The following DNAJA3 variants were observed in gnomAD, a reference collection of about 807,000 sequenced individuals.
DNAJA3 encodes the protein DnaJ heat shock protein family (Hsp40) member A3.
DNAJA3 carries 29 observed loss-of-function variants against 54.9 expected under a neutral mutation model. The ratio of observed to expected loss-of-function variants is 0.53; its 90% CI spans 0.39 to 0.72. DNAJA3 has a LOEUF of 0.72. Ranked by LOEUF, DNAJA3 falls within the 30% of genes least tolerant of loss-of-function variation. The pLI, the probability that DNAJA3 is intolerant of heterozygous loss-of-function variation, is 0.00. For missense variants in DNAJA3, 708 were observed against 639.4 expected, an observed-to-expected ratio of 1.11 and a Z score of -1.16; for synonymous variants, 302 against 251.4, an observed-to-expected ratio of 1.20 and a Z score of -1.90.
intron 3 of DNAJA3, 63 bp downstream of exon 3, chr16:4,437,548 A>AT: frequency 2.8e-6 from 4 of 1,419,030 alleles, no homozygotes; most frequent in Non-Finnish European, 4.0e-6. Flanking sequence ...CAAAGGTTGC[A>AT]TTGCTACCTG....
chr16:4,441,064 G>A (rs1346659774), intron 3 of DNAJA3: 4 of 445,960 alleles, frequency 9.0e-6, no homozygotes, highest in South Asian at 3.7e-5. Context: ...GGTGAAGTGT[G>A]AATCTGTGAA....
intron 2 of DNAJA3, among the ~76,000 whole-genome samples, chr16:4,435,063 A>AT (rs1567325267): frequency 1.3e-5 from 2 of 151,104 alleles, no homozygotes; most frequent in African/African-American, 2.4e-5. Context: ...CACCCGGCTA[A>AT]TTTTTTTTGT....
At chr16:4,430,071 G>T (rs1434978437) in intron 1 of DNAJA3, among the ~76,000 whole-genome samples, 5 of 151,874 alleles carry the variant, frequency 3.3e-5, no homozygotes, top group African/African-American at 1.2e-4. Flanking sequence ...CTACTCAGGA[G>T]GTTGAGGTGG....
intron 1 of DNAJA3, chr16:4,431,522 C>G (rs2056700567): frequency 6.6e-6 from 1 of 152,110 alleles, no homozygotes; most frequent in Non-Finnish European, 1.5e-5. Flanking sequence ...CAACCAACCT[C>G]TGGTTGTGTT....
Position 4,425,955 on chromosome 16 carries a change from G to C in DNAJA3, c.74G>C (p.Arg25Thr), listed in dbSNP as rs2056615711. 1.3e-6 allele frequency: 2 copies of C among 1,572,496 alleles called. No individual in the cohort carries two copies. Among genetic ancestry groups the C allele is most frequent in the Non-Finnish European group, 1.7e-6 (2 of 1,160,884 alleles). ...GTPRLPAISG[R>T]GARPPREGVV... ...CCGCGGCTGCCGGCTATATCGGGTA[G>C]AGGGGCCCGGCCGCCCAGGGAGGGC... The change falls in exon 1 of 12, where the codon AGA becomes ACA. Residue 25 changes from arginine to threonine, a missense_variant. By Grantham distance (71) the Arg-to-Thr change is moderately conservative. Transcript: ENST00000262375.
At position 4,455,590 on chromosome 16, in the gene DNAJA3, C is replaced by T; in HGVS notation, c.*58C>T. ...CTAGGCCGGGAAGCAGCAGCCCCTC[C>T]AAGGGCCAGGGCACCTGGGAGACGG... On this transcript the variant is annotated 3_prime_UTR_variant, in exon 12 of 12. Transcript: ENST00000262375. 6.4e-7 allele frequency: 1 copy of T among 1,551,784 alleles called. No individual in the cohort carries two copies.
intron 10 of DNAJA3, among the ~76,000 whole-genome samples, chr16:4,453,775 C>A (rs982897158): frequency 6.6e-6 from 1 of 152,162 alleles, no homozygotes; most frequent in Non-Finnish European, 1.5e-5. Context: ...TATGTAGCCT[C>A]CCTCACCCCT....
At chr16:4,454,632 G>A (rs763253065) in intron 10 of DNAJA3, among the ~76,000 whole-genome samples, 179 bp from the exon 11 acceptor site, 5 of 152,344 alleles carry the variant, frequency 3.3e-5, no homozygotes, top group African/African-American at 4.8e-5. Context: ...CACCTCAGTC[G>A]TCTGCAAGGT....
chr16:4,438,635 CTTTTTTTTT>C (rs56211652), intron 3 of DNAJA3, among the ~76,000 whole-genome samples: 9 of 110,648 alleles, frequency 8.1e-5, no homozygotes, highest in Non-Finnish European at 1.6e-4. Context: ...ACAATCTTTT[CTTTTTTTTT>C]TTTTTTTTTT....
Position 4,443,232 on chromosome 16 carries a change from T to C in DNAJA3, c.931+68T>C, listed in dbSNP as rs1239075712. The C allele has an allele frequency of 5.0e-6, 8 of 1,585,916 alleles. No homozygotes were observed. The Admixed American group carries it at 1.1e-4, about 21-fold the overall frequency. On this transcript the variant is annotated intron_variant, in intron 6 of 11. Transcript: ENST00000262375. ...AGACAGGGTTGAGGCTACCACACCG[T>C]GTGGAGAGGGTGGACAGGGCCGAGG...
Position 4,444,696 on chromosome 16 carries a change from G to T in DNAJA3, c.964G>T (p.Val322Leu), listed in dbSNP as rs766236286. ...VEDGQTVRMP[V>L]GKREIFITFR... ...GGATGGCCAGACCGTGAGGATGCCT[G>T]TGGGAAAAAGGGAAATTTTCATTAC... The change falls in exon 7 of 12, where the codon GTG becomes TTG. Residue 322 changes from valine to leucine, a missense_variant. Physicochemically the swap from Val to Leu is conservative, Grantham distance 32. Coordinates refer to ENST00000262375, the MANE Select transcript of DNAJA3 (RefSeq NM_005147.6). The T allele has an allele frequency of 6.2e-7, 1 of 1,614,150 alleles. No homozygotes were observed. Among genetic ancestry groups the T allele is most frequent in the South Asian group, 1.1e-5 (1 of 91,086 alleles).
Position 4,434,518 on chromosome 16 carries a change from G to A in DNAJA3, c.345+1G>A. Reference sequence around the variant, plus strand: ...AGAGATCAAGAAAGCCTATTATCAGGTCTGTATGGAAGTCAGGTTTTGGTG... The same window carrying A: ...AGAGATCAAGAAAGCCTATTATCAGATCTGTATGGAAGTCAGGTTTTGGTG... On this transcript the variant is annotated splice_donor_variant, in intron 2 of 11. Coordinates refer to ENST00000262375, the MANE Select transcript of DNAJA3 (RefSeq NM_005147.6). LOFTEE classifies it high-confidence loss of function. 3 of 1,609,964 alleles carry A rather than the reference G, an allele frequency of 1.9e-6. No homozygotes were observed. Among genetic ancestry groups the A allele is most frequent in the Non-Finnish European group, 2.5e-6 (3 of 1,179,084 alleles).
intron 9 of DNAJA3, 115 bp downstream of exon 9, chr16:4,448,963 A>G: frequency 1.4e-6 from 1 of 715,176 alleles, no homozygotes. Flanking sequence ...TTCCTGCCCG[A>G]GTTATCTGTC....
chr16:4,442,149 G>A (rs2056843379), intron 4 of DNAJA3, 119 bp from the exon 5 acceptor site: 4 of 1,073,512 alleles, frequency 3.7e-6, no homozygotes, highest in Non-Finnish European at 5.3e-6. Context: ...GTGCAAGTAA[G>A]TACAGTGGTG....
In DNAJA3 at chr16:4,448,795, T is replaced by C; in HGVS notation, c.1188T>C (p.Ile396=). The C allele has an allele frequency of 6.2e-7, 1 of 1,614,132 alleles. No individual in the cohort carries two copies. Among genetic ancestry groups the C allele is most frequent in the Non-Finnish European group, 8.5e-7 (1 of 1,180,010 alleles). The change falls in exon 9 of 12, where the codon ATT becomes ATC. Residue 396 remains isoleucine (I), a synonymous_variant. Coordinates refer to ENST00000262375, the MANE Select transcript of DNAJA3 (RefSeq NM_005147.6). ...TGGGTGGGAAAGGCATCCCCCGGATTAACAGCTACGGCTACGGAGACCACT... is the reference window on the plus strand; with the variant it reads ...TGGGTGGGAAAGGCATCCCCCGGATCAACAGCTACGGCTACGGAGACCACT... ...IRMGGKGIPR[I]NSYGYGDHYI...
intron 10 of DNAJA3, among the ~76,000 whole-genome samples, chr16:4,452,129 A>T (rs150567625): frequency 3.9e-5 from 6 of 151,998 alleles, no homozygotes; most frequent in Non-Finnish European, 8.8e-5. Context: ...CAGGTTCCAA[A>T]TGTCACTTAT....
chr16:4,434,897 T>C (rs2056754769), intron 2 of DNAJA3, among the ~76,000 whole-genome samples: 2 of 20,744 alleles, frequency 9.6e-5, no homozygotes, highest in Non-Finnish European at 2.1e-4. Flanking sequence ...TTTTTTTTTT[T>C]TTTTTTTTTT....
At chr16:4,453,201 T>C (rs1028692939) in intron 10 of DNAJA3, among the ~76,000 whole-genome samples, 79 of 152,206 alleles carry the variant, frequency 5.2e-4, no homozygotes, top group Non-Finnish European at 4.7e-4. Flanking sequence ...ATTACAGACA[T>C]GAGCCACTGT....
intron 1 of DNAJA3, among the ~76,000 whole-genome samples, chr16:4,428,553 A>AT (rs1455161493): frequency 6.6e-6 from 1 of 152,188 alleles, no homozygotes; most frequent in African/African-American, 2.4e-5. Context: ...AGCACTCGTT[A>AT]TTATTGTGTA....
Sources: gnomAD v4.1 joint callset for allele counts (sites outside exome capture counted in the v4.1 genomes callset) on GRCh38, gnomAD v4.1.1 for gene constraint, MANE v1.5 for transcripts, NCBI Gene and HGNC (gene_info 2026-07-23, HGNC 2026-07-21) for gene names.